CARS1: variants seen among roughly 807,000 people sequenced by gnomAD.
The protein encoded by CARS1 is cysteine--tRNA ligase, cytoplasmic.
In CARS1, 48 loss-of-function variants were observed where a neutral mutation model predicts 106.2. The ratio of observed to expected loss-of-function variants is 0.45; its 90% CI spans 0.36 to 0.57. The LOEUF is 0.57. Ranked by LOEUF, CARS1 falls within the 20% of genes least tolerant of loss-of-function variation. The pLI is 0.00. For synonymous variants in CARS1, 409 were observed against 403.4 expected (o/e 1.01, Z -0.17); for missense variants, 968 against 1,057.2 (o/e 0.92, Z 1.17).
At chr11:3,051,557 T>C (rs1401247456) in intron 1 of CARS1, among the ~76,000 whole-genome samples, 1 of 152,208 alleles carries the variant, frequency 6.6e-6, no homozygotes, top group Non-Finnish European at 1.5e-5. Context: ...CTACAAACTC[T>C]TTTGCAGAGC....
rs149070508 is a variant in CARS1 at position 3,002,761 on chromosome 11, C to T, written c.2218-161G>A. Among the ~76,000 whole-genome samples the T allele has an allele frequency of 7.2e-5, 11 of 152,196 alleles. No homozygotes were observed. In the East Asian group the frequency reaches 1.2e-3, roughly 16 times the overall value. ...ACTGTGGGGAGACAAGCCCATGTGC[C>T]GGGCAGCACACCGACCCTCTTCCAT... On this transcript the variant is annotated intron_variant, in intron 20 of 22. Transcript: ENST00000380525.
intron 16 of CARS1, among the ~76,000 whole-genome samples, chr11:3,016,491 G>A (rs1399399809): frequency 1.3e-5 from 2 of 152,118 alleles, no homozygotes; most frequent in East Asian, 3.9e-4. Context: ...CCAAAGTGCT[G>A]GGATTACAGG....
In CARS1 at chr11:3,040,929, G is replaced by C. The variant is rs1400017173; in HGVS notation, c.422C>G (p.Thr141Ser). ...KKVTWYCCGPTVYDASHMGHA... is the reference protein window; with the variant it reads ...KKVTWYCCGPSVYDASHMGHA... ...CCCCATGTGAGATGCGTCATAGACG[G>C]TTGGCCCACAGCAATACCACGTCAC... is the stretch of plus-strand genomic sequence containing the variant. Residue 141 changes from threonine (T) to serine (S), a missense_variant, in exon 4 of 23, where the codon ACC becomes AGC. Thr to Ser is a moderately conservative substitution (Grantham distance 58). Transcript: ENST00000380525. This position sits in a 1 kb window ranked among gnomAD's most constrained non-coding sequence, Gnocchi z 5.8. 3.1e-6 allele frequency: 5 copies of C among 1,614,170 alleles called. No homozygotes were observed. The highest frequency in any genetic ancestry group is 3.4e-6 in the Non-Finnish European group (4 of 1,180,038).
Position 3,004,416 on chromosome 11 carries a change from C to T in CARS1, c.2217+950G>A, listed in dbSNP as rs542981086. 9.2e-5 allele frequency among the ~76,000 whole-genome samples: 14 copies of T among 152,334 alleles called. No individual in the cohort carries two copies. The South Asian group carries it at 1.7e-3, about 18-fold the overall frequency. Reference sequence around the variant, plus strand: ...CCCATCTATCAATCAACCACCCTGTCGATTCTCCTTCCTCAGTTCCTCCCA... The same window carrying T: ...CCCATCTATCAATCAACCACCCTGTTGATTCTCCTTCCTCAGTTCCTCCCA... On this transcript the variant is annotated intron_variant, in intron 20 of 22. Transcript: ENST00000380525. The surrounding 1 kb of genome is among the most constrained non-coding windows in gnomAD (Gnocchi z 5.2).
chr11:3,040,770 C>G lies in CARS1; in HGVS notation c.455+126G>C. ...GAGAAGAAATTCAGTCTTGATTCCT[C>G]AAATCTCAGGTCTCTGTAGCAGATC... is the stretch of plus-strand genomic sequence containing the variant. On this transcript the variant is annotated intron_variant, in intron 4 of 22. Coordinates refer to ENST00000380525, the MANE Select transcript of CARS1 (RefSeq NM_001014437.3). The surrounding 1 kb of genome is among the most constrained non-coding windows in gnomAD (Gnocchi z 5.8). 1 of 984,972 alleles carries G rather than the reference C, an allele frequency of 1.0e-6. No homozygotes were observed. The highest frequency in any genetic ancestry group is 2.5e-5 in the East Asian group (1 of 40,648). 61.0% of individuals were successfully genotyped at this position (984,972 alleles called of 1,614,324 possible). A position where few individuals can be genotyped will look rare whatever the true frequency, so the allele number is the denominator to read the frequency against.
Position 3,038,258 on chromosome 11 carries a change from T to A in CARS1, c.652-59A>T. Reference sequence around the variant, plus strand: ...TACTGCTCAGCAAAACCTAAATTCATAAAGGTGATTCCAGGTAGAAAACAG... The same window carrying A: ...TACTGCTCAGCAAAACCTAAATTCAAAAAGGTGATTCCAGGTAGAAAACAG... On this transcript the variant is annotated intron_variant, in intron 6 of 22. Transcript: ENST00000380525. This position sits in a 1 kb window ranked among gnomAD's most constrained non-coding sequence, Gnocchi z 4.0. 6.7e-6 allele frequency: 10 copies of A among 1,488,252 alleles called. No individual in the cohort carries two copies. The highest frequency in any genetic ancestry group is 9.3e-6 in the Non-Finnish European group (10 of 1,071,758). 92.2% of individuals were successfully genotyped at this position (1,488,252 alleles called of 1,614,324 possible). A position where few individuals can be genotyped will look rare whatever the true frequency, so the allele number is the denominator to read the frequency against.
chr11:3,001,160 A>C lies in CARS1; in HGVS notation c.2450T>G (p.Leu817Arg). The change falls in exon 23 of 23, where the codon CTC (leucine) becomes CGC (arginine). Residue 817 changes from leucine to arginine, a missense_variant. Transcript: ENST00000380525. ...GGCCATCTGCAGATATTCCTTGTAGAGCTTCTCCTGAGCCTCGAAGAGCTT... is the reference window on the plus strand; with the variant it reads ...GGCCATCTGCAGATATTCCTTGTAGCGCTTCTCCTGAGCCTCGAAGAGCTT... Reference protein sequence around the residue: ...LKKLFEAQEKLYKEYLQMAQN... With the variant: ...LKKLFEAQEKRYKEYLQMAQN... 6.2e-7 allele frequency: 1 copy of C among 1,613,990 alleles called. No homozygotes were observed. Among genetic ancestry groups the C allele is most frequent in the Non-Finnish European group, 8.5e-7 (1 of 1,180,010 alleles).
At position 3,039,138 on chromosome 11, in the gene CARS1, G is replaced by T. The variant is rs1854075237; in HGVS notation, c.651+56C>A. 3 of 1,092,440 alleles carry T rather than the reference G, an allele frequency of 2.7e-6. No individual in the cohort carries two copies. Among genetic ancestry groups the T allele is most frequent in the Non-Finnish European group, 2.8e-6 (2 of 710,444 alleles). 67.7% of individuals were successfully genotyped at this position (1,092,440 alleles called of 1,614,324 possible). A position where few individuals can be genotyped will look rare whatever the true frequency, so the allele number is the denominator to read the frequency against. ...ACCCTAGGGACAGTAGCCTACAAAG[G>T]ACCGAGAACAGAAAGCAAAGGGCTC... On this transcript the variant is annotated intron_variant, in intron 6 of 22. Transcript: ENST00000380525. The surrounding 1 kb of genome is among the most constrained non-coding windows in gnomAD (Gnocchi z 5.6).
chr11:3,042,585 G>A (rs753426602), intron 2 of CARS1, among the ~76,000 whole-genome samples: 10 of 152,250 alleles, frequency 6.6e-5, no homozygotes, highest in Non-Finnish European at 1.3e-4. Flanking sequence ...CACCCTTAGA[G>A]CCCCAGGAGG....
Position 3,018,466 on chromosome 11 carries a change from G to A in CARS1, c.1571C>T (p.Thr524Ile), listed in dbSNP as rs1262956689. Residue 524 changes from threonine (T) to isoleucine (I), a missense_variant, in exon 14 of 23, where the codon ACC (threonine) becomes ATC (isoleucine). Thr to Ile is a moderately conservative substitution (Grantham distance 89, BLOSUM62 -1). Coordinates refer to ENST00000380525, the MANE Select transcript of CARS1 (RefSeq NM_001014437.3). ...CATGGTGTTGCTGGAGTAGTCCAGG[G>A]TGTCCTTCCACGAGTGCATGAGGAA... is the stretch of plus-strand genomic sequence containing the variant. ...LAFLMHSWKDTLDYSSNTMES... is the reference protein window; with the variant it reads ...LAFLMHSWKDILDYSSNTMES... 6.2e-7 allele frequency: 1 copy of A among 1,614,128 alleles called. No homozygotes were observed. Among genetic ancestry groups the A allele is most frequent in the African/African-American group, 1.3e-5 (1 of 75,046 alleles).
rs979012339 is a variant in CARS1, at chr11:3,046,510, G to A, written c.274+1243C>T. Among the ~76,000 whole-genome samples the A allele has an allele frequency of 2.0e-5, 3 of 152,186 alleles. No homozygotes were observed. The highest frequency in any genetic ancestry group is 7.2e-5 in the African/African-American group (3 of 41,452). On this transcript the variant is annotated intron_variant, in intron 2 of 22. Coordinates refer to ENST00000380525, the MANE Select transcript of CARS1 (RefSeq NM_001014437.3). The surrounding 1 kb of genome is among the most constrained non-coding windows in gnomAD (Gnocchi z 5.8). ...TGCACAGCAACGGCCTCTGCCCTAC[G>A]CTGGGGAAGGAGTGTCTGCTGCAGA... is the stretch of plus-strand genomic sequence containing the variant.
chr11:3,044,029 C>A lies in CARS1; in HGVS notation c.275-1773G>T, dbSNP rs923913007. ...GTGTACTTTAAATGCCTCACAAGCC[C>A]TTGAAGGAGAATCTCACTCAATGCC... On this transcript the variant is annotated intron_variant, in intron 2 of 22. Coordinates refer to ENST00000380525, the MANE Select transcript of CARS1 (RefSeq NM_001014437.3). The surrounding 1 kb of genome is among the most constrained non-coding windows in gnomAD (Gnocchi z 4.4). Among the ~76,000 whole-genome samples the A allele has an allele frequency of 2.0e-5, 3 of 152,210 alleles. No individual in the cohort carries two copies. The highest frequency in any genetic ancestry group is 4.4e-5 in the Non-Finnish European group (3 of 68,030).
chr11:3,001,912 C>T (rs778642831), intron 22 of CARS1, 58 bp downstream of exon 22: 48 of 1,285,812 alleles, frequency 3.7e-5, no homozygotes, highest in Non-Finnish European at 5.4e-5. Flanking sequence ...CCTGTCCTCC[C>T]ACTTTAATGT....
In CARS1 at chr11:3,038,300, G is replaced by A; in HGVS notation, c.652-101C>T. On this transcript the variant is annotated intron_variant, in intron 6 of 22. Coordinates refer to ENST00000380525, the MANE Select transcript of CARS1 (RefSeq NM_001014437.3). The surrounding 1 kb of genome is among the most constrained non-coding windows in gnomAD (Gnocchi z 4.0). ...AGAAAACAGAACGGTTTTTCCCATG[G>A]CCCCATAGAGATAGAGAAGTGTGCA... The A allele has an allele frequency of 9.0e-7, 1 of 1,110,868 alleles. No homozygotes were observed. Among genetic ancestry groups the A allele is most frequent in the Non-Finnish European group, 1.3e-6 (1 of 753,430 alleles). 68.8% of individuals were successfully genotyped at this position (1,110,868 alleles called of 1,614,324 possible). A position where few individuals can be genotyped will look rare whatever the true frequency, so the allele number is the denominator to read the frequency against.
rs1374481896 is a variant in CARS1 at position 3,020,549 on chromosome 11, T to C, written c.1154-217A>G. On this transcript the variant is annotated intron_variant, in intron 10 of 22. Transcript: ENST00000380525. This position sits in a 1 kb window ranked among gnomAD's most constrained non-coding sequence, Gnocchi z 4.6. ...ACAAAACGGTACATAATCCCCAAAG[T>C]CACCAGCTTATATACCTGGCTGACT... 1.3e-5 allele frequency among the ~76,000 whole-genome samples: 2 copies of C among 152,178 alleles called. No homozygotes were observed. Among genetic ancestry groups the C allele is most frequent in the Non-Finnish European group, 2.9e-5 (2 of 68,046 alleles).
chr11:3,014,792 C>G (rs762818211), intron 17 of CARS1, among the ~76,000 whole-genome samples: 3 of 152,250 alleles, frequency 2.0e-5, no homozygotes, highest in Non-Finnish European at 2.9e-5. Flanking sequence ...GGACTTCTTA[C>G]AACACGGACT....
Position 3,040,447 on chromosome 11 carries a change from C to T in CARS1, c.455+449G>A, listed in dbSNP as rs1854292972. On this transcript the variant is annotated intron_variant, in intron 4 of 22. Coordinates refer to ENST00000380525, the MANE Select transcript of CARS1 (RefSeq NM_001014437.3). This position sits in a 1 kb window ranked among gnomAD's most constrained non-coding sequence, Gnocchi z 5.8. Reference sequence around the variant, plus strand: ...ACATAAAAGGACTCTGTGGCATTTACCCCAACAGCCAGCTACTCGTCAGGA... The same window carrying T: ...ACATAAAAGGACTCTGTGGCATTTATCCCAACAGCCAGCTACTCGTCAGGA... 1 of 450,242 alleles carries T rather than the reference C, an allele frequency of 2.2e-6. No homozygotes were observed. The highest frequency in any genetic ancestry group is 2.5e-5 in the Admixed American group (1 of 39,354). The allele number at this position is 450,242 out of a possible 1,614,324, so 27.9% of individuals were successfully genotyped here.
At chr11:3,031,962 A>C (rs1852823074) in intron 7 of CARS1, among the ~76,000 whole-genome samples, 3 of 148,168 alleles carry the variant, frequency 2.0e-5, no homozygotes, top group Non-Finnish European at 4.5e-5. Flanking sequence ...AAAATATACC[A>C]GTGCACTCTG....
At position 3,043,421 on chromosome 11, in the gene CARS1, C is replaced by T. The variant is rs1172506738; in HGVS notation, c.275-1165G>A. Among the ~76,000 whole-genome samples the T allele has an allele frequency of 5.3e-5, 8 of 152,104 alleles. No homozygotes were observed. The highest frequency in any genetic ancestry group is 3.9e-4 in the East Asian group (2 of 5,186). On this transcript the variant is annotated intron_variant, in intron 2 of 22. Transcript: ENST00000380525. The surrounding 1 kb of genome is among the most constrained non-coding windows in gnomAD (Gnocchi z 4.0). ...GCAGATCCCCACTTTTCTCCACAGTCGTCGCCCACAGGTCCAGGTTCTGCG... is the reference window on the plus strand; with the variant it reads ...GCAGATCCCCACTTTTCTCCACAGTTGTCGCCCACAGGTCCAGGTTCTGCG...
Sources: allele counts gnomAD v4.1 joint callset (sites outside exome capture counted in the v4.1 genomes callset), GRCh38; gene constraint gnomAD v4.1.1; non-coding constraint Gnocchi (gnomAD v3.1); transcripts MANE v1.5; gene names NCBI Gene and HGNC (gene_info 2026-07-23, HGNC 2026-07-21).